KCNN2: variants seen among roughly 807,000 people sequenced by gnomAD.
The protein encoded by KCNN2 is small conductance calcium-activated potassium channel protein 2.
Under a neutral mutation model 55.5 loss-of-function variants are expected in KCNN2, and 24 were observed. The observed-to-expected ratio is 0.43, with a 90% CI of 0.31 to 0.61. KCNN2 has a LOEUF of 0.61. Ranked by LOEUF, KCNN2 falls within the 20% of genes least tolerant of loss-of-function variation. The pLI is 0.08. For missense variants in KCNN2, 754 were observed against 853.6 expected (o/e 0.88, Z 1.45); for synonymous variants, 431 against 336.1 (o/e 1.28, Z -3.09).
At chr5:114,134,749 A>C (rs1445156005) in intron 1 of KCNN2, among the ~76,000 whole-genome samples, 1 of 152,132 alleles carries the variant, frequency 6.6e-6, no homozygotes, top group Non-Finnish European at 1.5e-5. Context: ...TGCTGGAATT[A>C]CAGGCGTGAG....
intron 1 of KCNN2, among the ~76,000 whole-genome samples, chr5:114,157,297 T>A (rs1157229627): frequency 6.6e-6 from 1 of 152,012 alleles, no homozygotes; most frequent in African/African-American, 2.4e-5. Context: ...AGAATGATGG[T>A]TTCCAGCTTC....
At chr5:114,463,685 T>C (rs1420856909) in intron 4 of KCNN2, among the ~76,000 whole-genome samples, 3 of 152,216 alleles carry the variant, frequency 2.0e-5, no homozygotes, top group African/African-American at 7.2e-5. Flanking sequence ...AGATAGAAAC[T>C]TACTGCCCTG....
At chr5:114,374,494 A>G (rs767359511) in intron 2 of KCNN2, among the ~76,000 whole-genome samples, 2 of 152,156 alleles carry the variant, frequency 1.3e-5, no homozygotes, top group Non-Finnish European at 2.9e-5. Flanking sequence ...GCTACACTCA[A>G]CCACAGTGCT....
chr5:114,274,858 A>T (rs1047403829), intron 2 of KCNN2, among the ~76,000 whole-genome samples: 1 of 152,188 alleles, frequency 6.6e-6, no homozygotes, highest in Non-Finnish European at 1.5e-5. Context: ...CCTGGCCAGA[A>T]CTTCCAACAC....
intron 1 of KCNN2, among the ~76,000 whole-genome samples, chr5:114,214,762 C>T (rs1423844358): frequency 6.6e-6 from 1 of 152,126 alleles, no homozygotes; most frequent in South Asian, 2.1e-4. Flanking sequence ...GATGAAACTA[C>T]AACCTGAGTG....
At chr5:114,430,158 C>T (rs1308568695) in intron 3 of KCNN2, among the ~76,000 whole-genome samples, 1 of 151,998 alleles carries the variant, frequency 6.6e-6, no homozygotes, top group Non-Finnish European at 1.5e-5. Flanking sequence ...TTGATATCCA[C>T]AAAATAACTT....
At chr5:114,257,960 A>G (rs1052885287) in intron 2 of KCNN2, among the ~76,000 whole-genome samples, 3 of 152,118 alleles carry the variant, frequency 2.0e-5, no homozygotes, top group African/African-American at 7.2e-5. Context: ...TCCATTCAGT[A>G]TGATGTTGGT....
chr5:114,400,771 CT>C (rs1377715579), intron 2 of KCNN2, among the ~76,000 whole-genome samples: 3 of 152,172 alleles, frequency 2.0e-5, no homozygotes, highest in Non-Finnish European at 4.4e-5. Context: ...TATTATTCCT[CT>C]GGTTGTTTAC....
intron 1 of KCNN2, among the ~76,000 whole-genome samples, chr5:114,206,722 C>G (rs918647367): frequency 6.6e-6 from 1 of 151,788 alleles, no homozygotes; most frequent in African/African-American, 2.4e-5. Flanking sequence ...CTGAAATACC[C>G]ATCTCGTCAT....
intron 5 of KCNN2, among the ~76,000 whole-genome samples, chr5:114,477,622 G>GT (rs1230102600): frequency 1.3e-5 from 2 of 152,080 alleles, no homozygotes; most frequent in Non-Finnish European, 2.9e-5. Flanking sequence ...TAGATTTACA[G>GT]TTTATCACCT....
At chr5:114,206,365 T>A (rs924313840) in intron 1 of KCNN2, among the ~76,000 whole-genome samples, 4 of 152,154 alleles carry the variant, frequency 2.6e-5, no homozygotes, top group Non-Finnish European at 5.9e-5. Context: ...ATTTGCTAGT[T>A]AAGACGCACC....
intron 2 of KCNN2, among the ~76,000 whole-genome samples, chr5:114,257,349 T>C (rs1755004637): frequency 6.6e-6 from 1 of 152,098 alleles, no homozygotes; most frequent in Admixed American, 6.6e-5. Context: ...GGCTCTTTTT[T>C]GGTTTCATAT....
intron 2 of KCNN2, among the ~76,000 whole-genome samples, chr5:114,372,830 T>G (rs898205946): frequency 3.3e-5 from 5 of 152,108 alleles, no homozygotes; most frequent in Non-Finnish European, 7.4e-5. Context: ...ATTCTTAATA[T>G]TGTAGATGCA....
chr5:114,083,580 A>T (rs1235423917), intron 1 of KCNN2, among the ~76,000 whole-genome samples: 1 of 152,140 alleles, frequency 6.6e-6, no homozygotes, highest in Non-Finnish European at 1.5e-5. Flanking sequence ...TTCAGCAGAT[A>T]ATATGGAGTT....
chr5:114,367,172 C>A (rs1757625810), intron 2 of KCNN2, among the ~76,000 whole-genome samples: 1 of 152,148 alleles, frequency 6.6e-6, no homozygotes. Context: ...TCAGGTGAGT[C>A]ATGGATGGAA....
chr5:114,460,255 T>C (rs563102054), intron 3 of KCNN2, among the ~76,000 whole-genome samples: 211 of 152,042 alleles, frequency 1.4e-3, no homozygotes, highest in African/African-American at 4.9e-3. Context: ...TTTGTTGTTT[T>C]TTGACAAGGA....
chr5:114,329,587 G>A (rs1756772109), intron 2 of KCNN2, among the ~76,000 whole-genome samples: 1 of 152,156 alleles, frequency 6.6e-6, no homozygotes, highest in Admixed American at 6.5e-5. Context: ...AAGGTGCACT[G>A]TTGGCTTCCT....
chr5:114,125,497 C>T (rs1751911536), intron 1 of KCNN2, among the ~76,000 whole-genome samples: 1 of 152,100 alleles, frequency 6.6e-6, no homozygotes, highest in South Asian at 2.1e-4. Flanking sequence ...GAAAGCTCTC[C>T]ACTTTTATCA....
At chr5:114,202,753 A>AT (rs1753700812) in intron 1 of KCNN2, among the ~76,000 whole-genome samples, 2 of 151,042 alleles carry the variant, frequency 1.3e-5, no homozygotes, top group South Asian at 4.2e-4. Flanking sequence ...CGCCTGGCTA[A>AT]TTTTTTGTAT....
Sources: allele counts gnomAD v4.1 joint callset (sites outside exome capture counted in the v4.1 genomes callset), GRCh38; gene constraint gnomAD v4.1.1; transcripts MANE v1.5; gene names NCBI Gene and HGNC (gene_info 2026-07-23, HGNC 2026-07-21).